Variants in ADAM23 observed in about 807,000 individuals in gnomAD.
ADAM23 encodes the protein disintegrin and metalloproteinase domain-containing protein 23.
Under a neutral mutation model 120.1 loss-of-function variants are expected in ADAM23, and 33 were observed. The ratio of observed to expected loss-of-function variants is 0.27; its 90% confidence interval spans 0.21 to 0.37. ADAM23 has a LOEUF of 0.37. ADAM23 is among the 10% of genes least tolerant of loss of function. ADAM23 has a pLI of 1.00. For missense variants in ADAM23, 862 were observed against 1,058.2 expected (o/e 0.81, Z 2.57); for synonymous variants, 367 against 375.2 (o/e 0.98, Z 0.25).
At chr2:206,499,395 A>G (rs1189142054) in intron 3 of ADAM23, among the ~76,000 whole-genome samples, 3 of 151,238 alleles carry the variant, frequency 2.0e-5, no homozygotes, top group Admixed American at 1.3e-4. Context: ...TCGCAAGGAC[A>G]AAAAACCAAA....
chr2:206,550,057 C>A, intron 8 of ADAM23, 38 bp from the exon 9 acceptor site: 1 of 1,327,312 alleles, frequency 7.5e-7, no homozygotes, highest in South Asian at 1.3e-5. Context: ...GATTTTATGT[C>A]AATCACTATT....
chr2:206,592,486 A>G (rs1698443208), intron 21 of ADAM23, 131 bp from the exon 22 acceptor site: 4 of 1,183,660 alleles, frequency 3.4e-6, no homozygotes, highest in Non-Finnish European at 4.7e-6. Context: ...CCAATGATAT[A>G]TGATCAAATG....
intron 24 of ADAM23, 62 bp from the exon 25 acceptor site, chr2:206,609,848 T>C (rs1358997724): frequency 7.2e-7 from 1 of 1,396,046 alleles, no homozygotes; most frequent in Non-Finnish European, 9.8e-7. Flanking sequence ...TAACTGCCTT[T>C]CCCTTGTGGT....
At chr2:206,475,319 T>A (rs1301316434) in intron 2 of ADAM23, among the ~76,000 whole-genome samples, 1 of 152,186 alleles carries the variant, frequency 6.6e-6, no homozygotes, top group Non-Finnish European at 1.5e-5. Flanking sequence ...CTGTTGATAT[T>A]TTCTTTTGGA....
intron 2 of ADAM23, among the ~76,000 whole-genome samples, chr2:206,480,998 T>C (rs1232859557): frequency 2.0e-5 from 3 of 152,224 alleles, no homozygotes; most frequent in Non-Finnish European, 4.4e-5. Context: ...CTTAGTGGGT[T>C]CATTTTCAAG....
chr2:206,467,056 C>T (rs942689070), intron 2 of ADAM23, among the ~76,000 whole-genome samples: 3 of 152,150 alleles, frequency 2.0e-5, no homozygotes, highest in Non-Finnish European at 4.4e-5. Context: ...CTTGCGTGAT[C>T]AAATCACCTC....
At position 206,487,877 on chromosome 2, in the gene ADAM23, G is replaced by T. The variant is rs564557880; in HGVS notation, c.509+6569G>T. ...CCAGGGAGAACTCCGGGTGAAATCA[G>T]TGTAAGACATCCACATTGGGTGGCT... On this transcript the variant is annotated intron_variant, in intron 3 of 25. Transcript: ENST00000264377. Among the ~76,000 whole-genome samples the T allele has an allele frequency of 4.6e-5, 7 of 152,356 alleles. No homozygotes were observed. In the East Asian group the frequency reaches 1.3e-3, roughly 29 times the overall value.
At chr2:206,488,961 G>T (rs965757292) in intron 3 of ADAM23, among the ~76,000 whole-genome samples, 1 of 152,230 alleles carries the variant, frequency 6.6e-6, no homozygotes, top group Non-Finnish European at 1.5e-5. Context: ...AAGGCAAACT[G>T]CCTGGTGGGA....
rs754966963 is a variant in ADAM23, at chr2:206,594,946, T to TG, written c.2247+43dup. On this transcript the variant is annotated intron_variant, in intron 23 of 25. Coordinates refer to ENST00000264377, the MANE Select transcript of ADAM23 (RefSeq NM_003812.4). The stretch of plus-strand genomic sequence containing the variant: ...TGTGACAGCTGGAACCTTCATGGTC[T>TG]GGCATGGTCACAGTGACTGGACTTT... 4.4e-6 allele frequency: 7 copies of TG among 1,607,862 alleles called. No homozygotes were observed. The South Asian group carries it at 6.6e-5, about 15-fold the overall frequency.
intron 17 of ADAM23, 143 bp from the exon 18 acceptor site, chr2:206,572,972 G>A: frequency 1.3e-6 from 1 of 766,156 alleles, no homozygotes; most frequent in East Asian, 2.7e-5. Flanking sequence ...TTCTGCAATA[G>A]GATATTCTGT....
At chr2:206,583,343 A>G (rs923078713) in intron 18 of ADAM23, among the ~76,000 whole-genome samples, 3 of 151,932 alleles carry the variant, frequency 2.0e-5, no homozygotes, top group Non-Finnish European at 4.4e-5. Flanking sequence ...AGTCCCAGCT[A>G]CTCAGGAGGC....
intron 18 of ADAM23, among the ~76,000 whole-genome samples, chr2:206,585,445 T>G (rs571056772): frequency 1.1e-4 from 17 of 152,354 alleles, no homozygotes; most frequent in African/African-American, 4.1e-4. Flanking sequence ...GAAACATTTA[T>G]GAGAGTCAGT....
intron 9 of ADAM23, among the ~76,000 whole-genome samples, chr2:206,557,076 C>G (rs562497958): frequency 6.6e-6 from 1 of 151,928 alleles, no homozygotes. Flanking sequence ...TTCAGAACAT[C>G]GTAGGTTTTT....
chr2:206,483,619 A>T (rs1410945948), intron 3 of ADAM23, among the ~76,000 whole-genome samples: 2 of 152,186 alleles, frequency 1.3e-5, no homozygotes, highest in Admixed American at 6.5e-5. Flanking sequence ...GACAATCAGG[A>T]GAATGATTAA....
intron 2 of ADAM23, among the ~76,000 whole-genome samples, chr2:206,463,712 C>T (rs373700574): frequency 6.6e-6 from 1 of 152,178 alleles, no homozygotes; most frequent in African/African-American, 2.4e-5. Context: ...ATGTTAATGA[C>T]CTCGTTGTCC....
intron 6 of ADAM23, among the ~76,000 whole-genome samples, chr2:206,543,605 C>T (rs1697336707): frequency 6.6e-6 from 1 of 152,098 alleles, no homozygotes; most frequent in Non-Finnish European, 1.5e-5. Context: ...TAGCCAGCCT[C>T]CTTACTTTAA....
chr2:206,545,664 C>T (rs1697383922), intron 6 of ADAM23, among the ~76,000 whole-genome samples: 1 of 152,014 alleles, frequency 6.6e-6, no homozygotes, highest in Non-Finnish European at 1.5e-5. Context: ...TTGAATAAAC[C>T]TCTGTCATTT....
chr2:206,541,964 C>A, intron 4 of ADAM23, 88 bp from the exon 5 acceptor site: 1 of 1,326,816 alleles, frequency 7.5e-7, no homozygotes, highest in Non-Finnish European at 1.1e-6. Context: ...ATATGCCCAT[C>A]CTTGCATTTC....
chr2:206,607,712 T>G (rs1042506656), intron 24 of ADAM23, among the ~76,000 whole-genome samples: 1 of 152,212 alleles, frequency 6.6e-6, no homozygotes, highest in African/African-American at 2.4e-5. Flanking sequence ...TGAGCACTAG[T>G]TTTCTCTTAG....
Sources: gnomAD v4.1 joint callset for allele counts (sites outside exome capture counted in the v4.1 genomes callset) on GRCh38, gnomAD v4.1.1 for gene constraint, MANE v1.5 for transcripts, NCBI Gene and HGNC (gene_info 2026-07-23, HGNC 2026-07-21) for gene names.